WNK3: variants seen among roughly 807,000 people sequenced by gnomAD.
WNK3 encodes WNK lysine deficient protein kinase 3.
In WNK3, 18 loss-of-function variants were observed where a neutral mutation model predicts 116.7. The ratio of observed to expected loss-of-function variants is 0.15; its 90% CI spans 0.11 to 0.23. WNK3 has a LOEUF of 0.23. Ranked by LOEUF, WNK3 falls within the 10% of genes least tolerant of loss-of-function variation. The pLI is 1.00. For synonymous variants in WNK3, 404 were observed against 469.4 expected (o/e 0.86, Z 1.80); for missense variants, 993 against 1,323.8 (o/e 0.75, Z 3.88).
chrX:54,345,272 AACT>A (rs782537706), intron 1 of WNK3, among the ~76,000 whole-genome samples: 2 of 67,399 alleles, frequency 3.0e-5, no homozygotes, highest in Admixed American at 3.5e-4. Context: ...CAACAACAAC[AACT>A]ATATATATAT....
chrX:54,289,450 C>T (rs1603390943), intron 10 of WNK3, among the ~76,000 whole-genome samples: 2 of 111,099 alleles, frequency 1.8e-5, no homozygotes, highest in Admixed American at 1.9e-4. Flanking sequence ...AAGGCTATTC[C>T]AGGGGCTGAA....
chrX:54,355,205 G>T (rs2069577753), intron 1 of WNK3, among the ~76,000 whole-genome samples: 2 of 111,410 alleles, frequency 1.8e-5, no homozygotes, highest in East Asian at 5.5e-4. Context: ...AAAACTCTAT[G>T]GAAGAAAGTT....
At chrX:54,289,636 G>A in intron 10 of WNK3, among the ~76,000 whole-genome samples, 1 of 111,271 alleles carries the variant, frequency 9.0e-6, no homozygotes, top group East Asian at 2.8e-4. Flanking sequence ...GTCTGGCTTT[G>A]TGGCATTGAA....
chrX:54,265,170 G>A (rs2068295836), intron 10 of WNK3, among the ~76,000 whole-genome samples: 1 of 111,790 alleles, frequency 8.9e-6, no homozygotes, highest in Admixed American at 9.6e-5. Flanking sequence ...ATAGGCCTAT[G>A]AAAGGGTTTA....
At chrX:54,342,073 C>G (rs2069333492) in intron 1 of WNK3, among the ~76,000 whole-genome samples, 1 of 110,152 alleles carries the variant, frequency 9.1e-6, no homozygotes, top group African/African-American at 3.3e-5. Flanking sequence ...CCAGCCTGGG[C>G]AACACAGGGA....
At chrX:54,239,394 C>G (rs1021864419) in intron 17 of WNK3, among the ~76,000 whole-genome samples, 1 of 110,171 alleles carries the variant, frequency 9.1e-6, no homozygotes, top group East Asian at 2.8e-4. Context: ...ATCTTCTACC[C>G]CAGAATATTT....
intron 21 of WNK3, among the ~76,000 whole-genome samples, chrX:54,232,115 A>G (rs782006519): frequency 0.017 from 1,556 of 89,810 alleles, 13 homozygotes; most frequent in African/African-American, 0.037. Flanking sequence ...GTGTGTGTGT[A>G]TATATATATA....
chrX:54,303,825 T>C (rs1557168095), intron 5 of WNK3, among the ~76,000 whole-genome samples: 2 of 111,651 alleles, frequency 1.8e-5, no homozygotes, highest in African/African-American at 6.5e-5. Context: ...AAAGCCCTCT[T>C]TGACCTTCCC....
intron 1 of WNK3, among the ~76,000 whole-genome samples, chrX:54,350,598 T>C (rs987583704): frequency 9.0e-6 from 1 of 111,441 alleles, no homozygotes; most frequent in Non-Finnish European, 1.9e-5. Context: ...TTCCATGCAT[T>C]GTTGGCAGCT....
At chrX:54,343,481 G>A (rs782255050) in intron 1 of WNK3, 1 of 110,458 alleles carries the variant, frequency 9.1e-6, no homozygotes, top group African/African-American at 3.3e-5. Flanking sequence ...ACTCCAGCCT[G>A]AGCAACAGAG....
intron 6 of WNK3, among the ~76,000 whole-genome samples, chrX:54,300,118 C>T (rs573678825): frequency 2.7e-5 from 3 of 111,241 alleles, no homozygotes; most frequent in African/African-American, 9.8e-5. Flanking sequence ...CCTCAGCCTC[C>T]CAAAGTGCTG....
chrX:54,279,746 G>A (rs2068493640), intron 10 of WNK3, among the ~76,000 whole-genome samples: 1 of 111,791 alleles, frequency 8.9e-6, no homozygotes, highest in African/African-American at 3.2e-5. Context: ...AAACTTTTGG[G>A]TGTTCTGGAA....
At chrX:54,307,007 A>G (rs2068833398) in intron 5 of WNK3, among the ~76,000 whole-genome samples, 1 of 109,748 alleles carries the variant, frequency 9.1e-6, no homozygotes, top group Non-Finnish European at 1.9e-5. Flanking sequence ...AGGTGGGCGA[A>G]TCACAAGGTC....
chrX:54,293,080 C>G (rs1557165464), intron 9 of WNK3, 43 bp from the exon 10 acceptor site: 3 of 1,189,721 alleles, frequency 2.5e-6, no homozygotes, highest in Non-Finnish European at 3.4e-6. Flanking sequence ...TAAACTTTCC[C>G]ATTTACAGTA....
At chrX:54,226,269 A>T (rs928774287) in intron 22 of WNK3, among the ~76,000 whole-genome samples, 10 of 109,010 alleles carry the variant, frequency 9.2e-5, no homozygotes, top group Non-Finnish European at 1.7e-4. Context: ...CAGGAGTTCG[A>T]GATCAGCCTG....
At chrX:54,292,894 C>T in exon 10 of WNK3, 1 of 1,209,315 alleles carries the variant, frequency 8.3e-7, no homozygotes, top group Non-Finnish European at 1.1e-6. Context: ...TTACCTTTAT[C>T]TGTGGGACCT....
intron 1 of WNK3, among the ~76,000 whole-genome samples, chrX:54,352,359 C>T (rs900454166): frequency 1.8e-5 from 2 of 111,575 alleles, no homozygotes; most frequent in African/African-American, 3.3e-5. Context: ...CTATGGAAAA[C>T]GGTTTGGTGG....
exon 24 of WNK3, chrX:54,198,235 C>T: frequency 2.4e-6 from 2 of 843,279 alleles, no homozygotes; most frequent in Non-Finnish European, 3.2e-6. Flanking sequence ...GAAAATATGA[C>T]AGAACCCAAG....
chrX:54,206,552 A>G (rs1279207772), intron 22 of WNK3, among the ~76,000 whole-genome samples: 3 of 111,583 alleles, frequency 2.7e-5, no homozygotes, highest in South Asian at 7.6e-4. Flanking sequence ...CCCCACCAAT[A>G]CACAAATCTC....
Sources: gnomAD v4.1 joint callset for allele counts (sites outside exome capture counted in the v4.1 genomes callset) on GRCh38, gnomAD v4.1.1 for gene constraint, MANE v1.5 for transcripts, NCBI Gene and HGNC (gene_info 2026-07-23, HGNC 2026-07-21) for gene names.